Variants in YEATS2 observed in about 807,000 individuals in gnomAD.
The protein encoded by YEATS2 is YEATS domain-containing protein 2.
A neutral mutation model predicts 163.2 loss-of-function variants in YEATS2; 77 were observed. The observed-to-expected ratio is 0.47, with a 90% CI of 0.39 to 0.57. The LOEUF is 0.57. YEATS2 is among the 20% of genes least tolerant of loss of function. The probability of loss-of-function intolerance (pLI) is 0.00; values close to 1 mark genes in which losing one functional copy is unlikely to be tolerated. For missense variants in YEATS2, 1,549 were observed against 1,729.8 expected, an observed-to-expected ratio of 0.90 and a Z score of 1.85; for synonymous variants, 631 against 645.1, an observed-to-expected ratio of 0.98 and a Z score of 0.33.
At position 183,756,795 on chromosome 3, in the gene YEATS2, GTAAACGA is replaced by G. The variant is rs1168500133; in HGVS notation, c.1552+107_1552+113del. 31 of 1,026,404 alleles carry G rather than the reference GTAAACGA, an allele frequency of 3.0e-5. 1 individual carries two copies. The South Asian group carries it at 9.2e-4, about 30-fold the overall frequency. 63.6% of individuals were successfully genotyped at this position (1,026,404 alleles called of 1,614,324 possible). On this transcript the variant is annotated intron_variant, in intron 12 of 30. Transcript: ENST00000305135. The stretch of plus-strand genomic sequence containing the variant: ...ATGTAATTGGAGAATGAAATCTCCC[GTAAACGA>G]GAAGCGAGAATAAGTAAAAGGAAAG...
chr3:183,716,105 A>G lies in YEATS2; in HGVS notation c.100+843A>G, dbSNP rs368950354. ...CTCCCGAGTAGCTGGGACTACAGGC[A>G]CCCGCCACCACGCCTTGCTAATATT... On this transcript the variant is annotated intron_variant, in intron 2 of 30. Coordinates refer to ENST00000305135, the MANE Select transcript of YEATS2 (RefSeq NM_018023.5). Among the ~76,000 whole-genome samples, 129 of 151,776 alleles carry G rather than the reference A, an allele frequency of 8.5e-4. 1 individual carries two copies. The highest frequency in any genetic ancestry group is 5.8e-3 in the South Asian group (28 of 4,800).
At position 183,775,920 on chromosome 3, in the gene YEATS2, C is replaced by T; in HGVS notation, c.2374C>T (p.Gln792Ter). 1 of 1,612,250 alleles carries T rather than the reference C, an allele frequency of 6.2e-7. No individual in the cohort carries two copies. The highest frequency in any genetic ancestry group is 8.5e-7 in the Non-Finnish European group (1 of 1,179,980). The change falls in exon 18 of 31, where the codon CAG becomes TAG. Residue 792 changes from glutamine (Q) to a stop codon, truncating the protein, a stop_gained. Transcript: ENST00000305135. LOFTEE classifies it high-confidence loss of function. ...ILRATNNANL[Q>*]SGSAASGGSG... Reference sequence around the variant, plus strand: ...GTCATTCATTGTATTTTTAGATCTCCAGTCTGGCTCAGCTGCCAGTGGTGG... The same window carrying T: ...GTCATTCATTGTATTTTTAGATCTCTAGTCTGGCTCAGCTGCCAGTGGTGG...
chr3:183,746,944 T>C (rs1719612619), intron 8 of YEATS2, among the ~76,000 whole-genome samples: 2 of 152,144 alleles, frequency 1.3e-5, no homozygotes, highest in Admixed American at 1.3e-4. Context: ...CTTTTCCCTG[T>C]TAATCTTATT....
intron 21 of YEATS2, among the ~76,000 whole-genome samples, chr3:183,796,727 G>A (rs1379269530): frequency 2.6e-5 from 4 of 151,864 alleles, no homozygotes; most frequent in Non-Finnish European, 2.9e-5. Flanking sequence ...ATCAAAACAC[G>A]GAATTTTATA....
At chr3:183,729,055 G>A (rs1163311261) in intron 7 of YEATS2, among the ~76,000 whole-genome samples, 1 of 152,164 alleles carries the variant, frequency 6.6e-6, no homozygotes, top group African/African-American at 2.4e-5. Context: ...GGCGGATCAT[G>A]AGGTCAGGAG....
chr3:183,753,791 G>A (rs534350065), intron 10 of YEATS2, among the ~76,000 whole-genome samples: 3 of 152,076 alleles, frequency 2.0e-5, no homozygotes, highest in Non-Finnish European at 2.9e-5. Context: ...ATTAGATTTA[G>A]TGAATGCTTT....
At chr3:183,730,522 G>A (rs988236864) in intron 7 of YEATS2, among the ~76,000 whole-genome samples, 3 of 152,122 alleles carry the variant, frequency 2.0e-5, no homozygotes, top group Non-Finnish European at 4.4e-5. Context: ...CCTTTCAAGC[G>A]ATGGTGGCTG....
chr3:183,766,524 G>A (rs1209927170), intron 15 of YEATS2, among the ~76,000 whole-genome samples: 1 of 152,200 alleles, frequency 6.6e-6, no homozygotes, highest in African/African-American at 2.4e-5. Context: ...TTTAATCAAA[G>A]CATGAATCGA....
chr3:183,738,449 T>A, intron 8 of YEATS2, among the ~76,000 whole-genome samples: 1 of 145,328 alleles, frequency 6.9e-6, no homozygotes, highest in East Asian at 2.0e-4. Context: ...ATGTGCACAT[T>A]GTGCAGGTTA....
At chr3:183,762,386 A>T (rs1721459142) in intron 15 of YEATS2, 107 bp downstream of exon 15, 1 of 1,362,174 alleles carries the variant, frequency 7.3e-7, no homozygotes, top group Admixed American at 2.5e-5. Flanking sequence ...ATGATCCCAT[A>T]AGAACCTGTG....
chr3:183,791,031 A>T (rs1352637714), intron 21 of YEATS2, 51 bp downstream of exon 21: 1 of 1,585,728 alleles, frequency 6.3e-7, no homozygotes, highest in Middle Eastern at 1.7e-4. Context: ...ATTGGGCTGG[A>T]ATATTTTTGT....
At chr3:183,725,840 T>G (rs757993130) in intron 6 of YEATS2, among the ~76,000 whole-genome samples, 2 of 152,190 alleles carry the variant, frequency 1.3e-5, no homozygotes, top group Non-Finnish European at 2.9e-5. Context: ...TTCCTGTTCT[T>G]TTCTTCTGTT....
At chr3:183,726,111 A>G (rs1384153885) in intron 6 of YEATS2, among the ~76,000 whole-genome samples, 2 of 151,868 alleles carry the variant, frequency 1.3e-5, no homozygotes, top group Non-Finnish European at 2.9e-5. Context: ...TGTTGCTTCA[A>G]AAGTGAACCA....
intron 9 of YEATS2, among the ~76,000 whole-genome samples, chr3:183,749,173 G>A (rs1359664665): frequency 2.6e-5 from 4 of 151,860 alleles, no homozygotes; most frequent in Admixed American, 1.3e-4. Flanking sequence ...TCGATATCCT[G>A]ACCTTGTGAT....
chr3:183,811,847 C>A lies in YEATS2; in HGVS notation c.*1264C>A, dbSNP rs1726828864. 6.6e-6 allele frequency: 1 copy of A among 152,216 alleles called. No homozygotes were observed. The allele number at this position is 152,216 out of a possible 1,614,324, so 9.4% of individuals were successfully genotyped here. A position where few individuals can be genotyped will look rare whatever the true frequency, so the allele number is the denominator to read the frequency against. The stretch of plus-strand genomic sequence containing the variant: ...TGTGAGTCAGAGTCAGAGAAACTTA[C>A]CCAAGCAACGTAATTCCTGTTTTCA... On this transcript the variant is annotated 3_prime_UTR_variant, in exon 31 of 31. Transcript: ENST00000305135.
At chr3:183,787,864 G>A (rs867935253) in intron 20 of YEATS2, among the ~76,000 whole-genome samples, 23 of 151,938 alleles carry the variant, frequency 1.5e-4, no homozygotes, top group Admixed American at 6.6e-4. Flanking sequence ...TTAGCGGGGC[G>A]TGGTGACGGG....
At chr3:183,798,700 T>TTGAAGA (rs1317939062) in intron 22 of YEATS2, among the ~76,000 whole-genome samples, 191 bp from the exon 23 acceptor site, 2 of 152,160 alleles carry the variant, frequency 1.3e-5, no homozygotes, top group Admixed American at 6.6e-5. Flanking sequence ...GTTTCTACAG[T>TTGAAGA]TGAAGATACA....
At chr3:183,752,343 AC>A (rs1479487551) in intron 10 of YEATS2, 90 bp downstream of exon 10, 52 of 1,489,260 alleles carry the variant, frequency 3.5e-5, no homozygotes, top group Non-Finnish European at 4.3e-5. Context: ...ATGGAAAATA[AC>A]TTTGCTATAA....
At chr3:183,735,798 T>G (rs1216550572) in intron 7 of YEATS2, among the ~76,000 whole-genome samples, 1 of 152,078 alleles carries the variant, frequency 6.6e-6, no homozygotes, top group Non-Finnish European at 1.5e-5. Context: ...GCGATTGTCG[T>G]GGCCTCTCAA....
Sources: allele counts gnomAD v4.1 joint callset (sites outside exome capture counted in the v4.1 genomes callset), GRCh38; gene constraint gnomAD v4.1.1; transcripts MANE v1.5; gene names NCBI Gene and HGNC (gene_info 2026-07-23, HGNC 2026-07-21).